Variants in SFMBT1 observed in about 807,000 individuals in gnomAD.
SFMBT1 encodes scm-like with four MBT domains protein 1.
Under a neutral mutation model 108.7 loss-of-function variants are expected in SFMBT1, and 32 were observed. The ratio of observed to expected loss-of-function variants is 0.29; its 90% CI spans 0.22 to 0.40. The LOEUF (loss-of-function observed/expected upper bound fraction) is 0.40. Among genes scored for constraint, SFMBT1 ranks in the 10% least tolerant of loss-of-function variants. SFMBT1 has a pLI of 1.00. For missense variants in SFMBT1, 816 were observed against 1,059.6 expected (o/e 0.77, Z 3.19); for synonymous variants, 348 against 369.5 (o/e 0.94, Z 0.67).
chr3:53,029,104 C>T (rs928823445), intron 1 of SFMBT1, among the ~76,000 whole-genome samples: 3 of 141,008 alleles, frequency 2.1e-5, no homozygotes, highest in East Asian at 2.2e-4. Flanking sequence ...ACCCGGGAGG[C>T]GGAGCTTGCA....
In SFMBT1 at chr3:52,990,289, C is replaced by T. The variant is rs553921670; in HGVS notation, c.-130-21031G>A. On this transcript the variant is annotated intron_variant, in intron 1 of 20. Transcript: ENST00000394752. ...CTCTATTAAAGTATAAAAGACAACT[C>T]GACTCAGTTGTCTAACTCACATTAA... is the stretch of plus-strand genomic sequence containing the variant. Among the ~76,000 whole-genome samples, 16 of 152,222 alleles carry T rather than the reference C, an allele frequency of 1.1e-4. No homozygotes were observed. In the South Asian group the frequency reaches 3.1e-3, roughly 30 times the overall value.
At chr3:52,951,977 C>A (rs1703609771) in intron 3 of SFMBT1, among the ~76,000 whole-genome samples, 1 of 152,194 alleles carries the variant, frequency 6.6e-6, no homozygotes, top group Admixed American at 6.5e-5. Context: ...ATATGTAATT[C>A]TCACCACTTT....
chr3:52,943,826 G>A (rs1228906278), intron 3 of SFMBT1, among the ~76,000 whole-genome samples: 1 of 152,124 alleles, frequency 6.6e-6, no homozygotes. Context: ...CACCAAAGCA[G>A]TCTATTATGA....
intron 4 of SFMBT1, among the ~76,000 whole-genome samples, chr3:52,939,345 G>A (rs1303423985): frequency 1.3e-5 from 2 of 152,118 alleles, no homozygotes; most frequent in Non-Finnish European, 2.9e-5. Context: ...AAGCTCAGGC[G>A]GGCAGATCAC....
intron 1 of SFMBT1, among the ~76,000 whole-genome samples, chr3:52,979,812 A>G (rs1051563939): frequency 1.2e-4 from 18 of 152,206 alleles, no homozygotes; most frequent in African/African-American, 3.9e-4. Flanking sequence ...CATTTGTTCT[A>G]GGTGAAGAAA....
chr3:53,011,067 T>C (rs1416882485), intron 1 of SFMBT1, among the ~76,000 whole-genome samples: 1 of 152,210 alleles, frequency 6.6e-6, no homozygotes, highest in African/African-American at 2.4e-5. Flanking sequence ...TAAAGGATTT[T>C]ACAGTTACAG....
chr3:52,989,671 C>T (rs991216700), intron 1 of SFMBT1, among the ~76,000 whole-genome samples: 7 of 151,164 alleles, frequency 4.6e-5, no homozygotes, highest in East Asian at 3.9e-4. Flanking sequence ...TGGTGGCGCG[C>T]GCCTGTAGTC....
In SFMBT1 at chr3:52,913,629, A is replaced by G. The variant is rs200805748; in HGVS notation, c.1481-12T>C. ...TCCATTAATCATAACTGGGAAATGA[A>G]GAAAAACAAATATTCAAAACAGTCA... On this transcript the variant is annotated splice_polypyrimidine_tract_variant and intron_variant, in intron 14 of 20. Coordinates refer to ENST00000394752, the MANE Select transcript of SFMBT1 (RefSeq NM_016329.4). 262 of 1,612,130 alleles carry G rather than the reference A, an allele frequency of 1.6e-4. No individual in the cohort carries two copies. The highest frequency in any genetic ancestry group is 2.0e-4 in the Non-Finnish European group (240 of 1,179,394).
At chr3:52,997,535 CAA>C (rs960070562) in intron 1 of SFMBT1, among the ~76,000 whole-genome samples, 2 of 127,876 alleles carry the variant, frequency 1.6e-5, no homozygotes, top group Admixed American at 8.1e-5. Context: ...GAGTCCATCT[CAA>C]AAAAAAAAAG....
chr3:52,940,413 C>T (rs1254808941), intron 4 of SFMBT1, among the ~76,000 whole-genome samples: 1 of 152,122 alleles, frequency 6.6e-6, no homozygotes. Context: ...ATACAGTAGC[C>T]CGCTTGAAGG....
At chr3:52,950,690 T>A (rs925171194) in intron 3 of SFMBT1, among the ~76,000 whole-genome samples, 5 of 151,518 alleles carry the variant, frequency 3.3e-5, no homozygotes, top group Admixed American at 1.3e-4. Flanking sequence ...GCCAGGCTGG[T>A]CTTGAACTCC....
chr3:52,963,532 T>C (rs1704033943), intron 2 of SFMBT1, among the ~76,000 whole-genome samples: 1 of 152,124 alleles, frequency 6.6e-6, no homozygotes, highest in Non-Finnish European at 1.5e-5. Context: ...CTCTGAAGCC[T>C]CAACCACCCT....
intron 2 of SFMBT1, among the ~76,000 whole-genome samples, chr3:52,962,970 AG>A (rs1167453095): frequency 1.6e-5 from 2 of 127,666 alleles, no homozygotes; most frequent in Non-Finnish European, 3.5e-5. Context: ...TAGTAATATC[AG>A]GTTGAAGTTA....
At chr3:52,993,561 C>T (rs1033776395) in intron 1 of SFMBT1, among the ~76,000 whole-genome samples, 1 of 149,992 alleles carries the variant, frequency 6.7e-6, no homozygotes, top group Non-Finnish European at 1.5e-5. Context: ...CATTCATTCA[C>T]TTGGCCCTGA....
intron 1 of SFMBT1, among the ~76,000 whole-genome samples, chr3:52,969,653 C>T (rs73839774): frequency 0.013 from 2,046 of 152,178 alleles, 46 homozygotes; most frequent in African/African-American, 0.045. Flanking sequence ...TCTTACACAA[C>T]GAATATGATT....
intron 8 of SFMBT1, chr3:52,928,584 A>G (rs1702734823): frequency 7.2e-6 from 1 of 138,628 alleles, no homozygotes; most frequent in Non-Finnish European, 1.5e-5. Flanking sequence ...ATATATATAC[A>G]TATATACATA....
chr3:53,015,813 G>GT (rs959427707), intron 1 of SFMBT1, among the ~76,000 whole-genome samples: 4 of 151,800 alleles, frequency 2.6e-5, no homozygotes, highest in African/African-American at 4.8e-5. Context: ...TGGGTACAAG[G>GT]TTTTTTTTCT....
intron 4 of SFMBT1, among the ~76,000 whole-genome samples, chr3:52,942,070 T>C (rs948090090): frequency 2.0e-5 from 3 of 151,984 alleles, no homozygotes; most frequent in African/African-American, 7.3e-5. Flanking sequence ...CTGGGTGATA[T>C]AGCAAGACCC....
In SFMBT1 at chr3:52,945,136, T is replaced by TGAAAAAAAAAAAAAAA. The variant is rs1553636664; in HGVS notation, c.124-1544_124-1543insTTTTTTTTTTTTTTTC. Reference sequence around the variant, plus strand: ...TGATTTCCAAATACCACCTTCCAATTAAAAAAAAAAAAAAACAAGGACTTC... The same window carrying TGAAAAAAAAAAAAAAA: ...TGATTTCCAAATACCACCTTCCAATTGAAAAAAAAAAAAAAAAAAAAAAAAAAAAAACAAGGACTTC... On this transcript the variant is annotated intron_variant, in intron 3 of 20. Transcript: ENST00000394752. Among the ~76,000 whole-genome samples the TGAAAAAAAAAAAAAAA allele has an allele frequency of 7.4e-4, 36 of 48,536 alleles. 5 individuals carry two copies. The South Asian group carries it at 0.029, about 39-fold the overall frequency. 31.8% of individuals were successfully genotyped at this position (48,536 alleles called of 152,430 possible).
Sources: allele counts gnomAD v4.1 joint callset (sites outside exome capture counted in the v4.1 genomes callset), GRCh38; gene constraint gnomAD v4.1.1; transcripts MANE v1.5; gene names NCBI Gene and HGNC (gene_info 2026-07-23, HGNC 2026-07-21).